The following QRICH1 variants were observed in gnomAD, a reference collection of about 807,000 sequenced individuals.
QRICH1 encodes glutamine rich 1, also known as transcriptional regulator QRICH1.
In QRICH1, 16 loss-of-function variants were observed where a neutral mutation model predicts 87.1. The ratio of observed to expected loss-of-function variants is 0.18; its 90% CI spans 0.12 to 0.28. The LOEUF is 0.28. Ranked by LOEUF, QRICH1 falls within the 10% of genes least tolerant of loss-of-function variation. The pLI, the probability that QRICH1 is intolerant of heterozygous loss-of-function variation, is 1.00. For synonymous variants in QRICH1, 367 were observed against 368.4 expected (o/e 1.00, Z 0.05); for missense variants, 647 against 951.7 (o/e 0.68, Z 4.21).
At chr3:49,064,005 C>G (rs553923369) in intron 2 of QRICH1, among the ~76,000 whole-genome samples, 1 of 151,776 alleles carries the variant, frequency 6.6e-6, no homozygotes, top group Non-Finnish European at 1.5e-5. Flanking sequence ...CTCCCGGGTT[C>G]AAGCGATTCT....
intron 1 of QRICH1, among the ~76,000 whole-genome samples, chr3:49,082,320 A>C (rs1260897237): frequency 6.6e-6 from 1 of 152,216 alleles, no homozygotes; most frequent in Non-Finnish European, 1.5e-5. Context: ...AATACATTTC[A>C]TACCAAAGTC....
At chr3:49,073,947 AT>A (rs909480980) in intron 2 of QRICH1, among the ~76,000 whole-genome samples, 7 of 151,024 alleles carry the variant, frequency 4.6e-5, no homozygotes, top group Admixed American at 4.0e-4. Context: ...TCCCTGGGTA[AT>A]TTTTTTTTAT....
chr3:49,074,004 A>G (rs1460298002), intron 2 of QRICH1, among the ~76,000 whole-genome samples: 2 of 151,860 alleles, frequency 1.3e-5, no homozygotes, highest in African/African-American at 2.4e-5. Flanking sequence ...GCTGGCCTCA[A>G]ACTTCTGGAC....
intron 2 of QRICH1, among the ~76,000 whole-genome samples, chr3:49,061,776 AG>A (rs1239906507): frequency 6.6e-6 from 1 of 152,112 alleles, no homozygotes; most frequent in East Asian, 1.9e-4. Flanking sequence ...TACTAAACCC[AG>A]GAGGTGGGGG....
chr3:49,093,365 G>C (rs1295151130), intron 1 of QRICH1: 2 of 152,104 alleles, frequency 1.3e-5, no homozygotes, highest in East Asian at 1.9e-4. Flanking sequence ...TCTCCAGGCC[G>C]AGGCCACGGA....
chr3:49,054,233 C>T (rs1156597516), intron 3 of QRICH1, among the ~76,000 whole-genome samples: 1 of 152,170 alleles, frequency 6.6e-6, no homozygotes, highest in Non-Finnish European at 1.5e-5. Context: ...CCAAATGAGG[C>T]ACTGACCTGC....
intron 1 of QRICH1, among the ~76,000 whole-genome samples, chr3:49,088,951 C>A (rs1393277404): frequency 2.0e-5 from 3 of 151,876 alleles, no homozygotes; most frequent in Admixed American, 1.3e-4. Context: ...GGATACTAGC[C>A]AACTGCAGGG....
Position 49,056,846 on chromosome 3 carries a change from A to T in QRICH1, c.1338+16T>A. 1 of 1,614,134 alleles carries T rather than the reference A, an allele frequency of 6.2e-7. No individual in the cohort carries two copies. On this transcript the variant is annotated intron_variant, in intron 3 of 9. Transcript: ENST00000395443. ...AGGGACCAGGCTGCCTGCCCTACTGATAAGTCTTCACTTACTGAACAAGTA... is the reference window on the plus strand; with the variant it reads ...AGGGACCAGGCTGCCTGCCCTACTGTTAAGTCTTCACTTACTGAACAAGTA...
At chr3:49,033,666 C>G (rs979764308) in intron 6 of QRICH1, 1 of 152,442 alleles carries the variant, frequency 6.6e-6, no homozygotes, top group South Asian at 2.1e-4. Flanking sequence ...TTGCCCTTAC[C>G]AAGTCTTCTC....
chr3:49,046,661 T>G lies in QRICH1; in HGVS notation c.1517-82A>C, dbSNP rs1323626379. The G allele has an allele frequency of 2.0e-6, 3 of 1,466,402 alleles. No homozygotes were observed. The African/African-American group carries it at 4.3e-5, about 21-fold the overall frequency. 90.8% of individuals were successfully genotyped at this position (1,466,402 alleles called of 1,614,324 possible). On this transcript the variant is annotated intron_variant, in intron 4 of 9. Transcript: ENST00000395443. ...TCAGAACAGATACTGCCCATCAGGG[T>G]GCTGGGATAGAAATGCTCACTTGTA...
chr3:49,037,396 A>T (rs2093282228), intron 6 of QRICH1, among the ~76,000 whole-genome samples: 1 of 152,240 alleles, frequency 6.6e-6, no homozygotes, highest in African/African-American at 2.4e-5. Flanking sequence ...TTCTTCCATG[A>T]ATATACTGTA....
intron 1 of QRICH1, among the ~76,000 whole-genome samples, chr3:49,083,767 CA>C (rs1366470541): frequency 7.4e-4 from 102 of 138,700 alleles, no homozygotes; most frequent in Admixed American, 9.4e-4. Context: ...GACTCCATCT[CA>C]AAAAAAAAAA....
At position 49,030,682 on chromosome 3, in the gene QRICH1, A is replaced by G. The variant is rs374015086; in HGVS notation, c.2139-38T>C. The G allele has an allele frequency of 9.4e-6, 14 of 1,484,890 alleles. No individual in the cohort carries two copies. In the African/African-American group the frequency reaches 1.1e-4, roughly 12 times the overall value. The allele number at this position is 1,484,890 out of a possible 1,614,324, so 92.0% of individuals were successfully genotyped here. A position where few individuals can be genotyped will look rare whatever the true frequency, so the allele number is the denominator to read the frequency against. ...CGGATAAAAGTTGGGTACCACCAAT[A>G]TAACTTCAACCCTCCCACCCTGAAC... On this transcript the variant is annotated intron_variant, in intron 9 of 9. Coordinates refer to ENST00000395443, the MANE Select transcript of QRICH1 (RefSeq NM_198880.3).
intron 1 of QRICH1, among the ~76,000 whole-genome samples, chr3:49,084,056 T>C (rs1261151862): frequency 6.6e-6 from 1 of 151,954 alleles, no homozygotes; most frequent in Non-Finnish European, 1.5e-5. Flanking sequence ...CGCCTCAGCC[T>C]CCCAAAGTGC....
Position 49,058,158 on chromosome 3 carries a change from T to A in QRICH1, c.310-268A>T, listed in dbSNP as rs921291711. On this transcript the variant is annotated intron_variant, in intron 2 of 9. Coordinates refer to ENST00000395443, the MANE Select transcript of QRICH1 (RefSeq NM_198880.3). ...AAAAAGGAAATACCAAAAAAAAAAATTTTTTTTTTTTAAGATGGACTCGCT... is the reference window on the plus strand; with the variant it reads ...AAAAAGGAAATACCAAAAAAAAAAAATTTTTTTTTTTAAGATGGACTCGCT... 3.1e-3 allele frequency: 962 copies of A among 309,742 alleles called. 1 individual carries two copies. Among genetic ancestry groups the A allele is most frequent in the East Asian group, 6.9e-3 (92 of 13,270 alleles). 19.2% of individuals were successfully genotyped at this position (309,742 alleles called of 1,614,324 possible). A position where few individuals can be genotyped will look rare whatever the true frequency, so the allele number is the denominator to read the frequency against.
At chr3:49,074,513 A>C (rs1271887236) in intron 2 of QRICH1, among the ~76,000 whole-genome samples, 2 of 151,864 alleles carry the variant, frequency 1.3e-5, no homozygotes, top group East Asian at 3.9e-4. Context: ...CGGAGCTTGC[A>C]GAGAGCCAAG....
At chr3:49,062,388 T>G (rs1325111376) in intron 2 of QRICH1, among the ~76,000 whole-genome samples, 40 of 150,118 alleles carry the variant, frequency 2.7e-4, no homozygotes, top group Middle Eastern at 3.4e-3. Context: ...TTTTTTTTTT[T>G]GGGAGGTAAA....
chr3:49,081,320 G>A (rs989913112), intron 1 of QRICH1, among the ~76,000 whole-genome samples: 1 of 151,576 alleles, frequency 6.6e-6, no homozygotes, highest in Admixed American at 6.6e-5. Context: ...AGGAGGCTGA[G>A]ACAGGAGAAT....
At chr3:49,078,744 C>T (rs2042001819) in intron 1 of QRICH1, among the ~76,000 whole-genome samples, 1 of 134,126 alleles carries the variant, frequency 7.5e-6, no homozygotes, top group African/African-American at 2.9e-5. Context: ...GTCGCCCAGG[C>T]TGGAGTGCAG....
Sources: allele counts gnomAD v4.1 joint callset (sites outside exome capture counted in the v4.1 genomes callset), GRCh38; gene constraint gnomAD v4.1.1; transcripts MANE v1.5; gene names NCBI Gene and HGNC (gene_info 2026-07-23, HGNC 2026-07-21).